The following KLF9 variants were observed in gnomAD, a reference collection of about 807,000 sequenced individuals.
KLF9 encodes the protein KLF transcription factor 9, also known as Krueppel-like factor 9.
KLF9 carries 2 observed loss-of-function variants against 17.3 expected under a neutral mutation model. The ratio of observed to expected loss-of-function variants is 0.12; its 90% confidence interval spans 0.05 to 0.36. The LOEUF (loss-of-function observed/expected upper bound fraction) is 0.36, where lower values mean the gene tolerates loss of function less well. KLF9 is among the 10% of genes least tolerant of loss of function. The pLI is 1.00. For synonymous variants in KLF9, 138 were observed against 139.2 expected (o/e 0.99, Z 0.06); for missense variants, 226 against 333.2 (o/e 0.68, Z 2.51).
rs1587737668 is a variant in KLF9, at chr9:70,388,013, A to G, written c.506-8T>C. ...AGGGAAAGGGCCGTTCACCTAAGAGAAAGGAATCAGAAAGGATACAGCTCA... is the reference window on the plus strand; with the variant it reads ...AGGGAAAGGGCCGTTCACCTAAGAGGAAGGAATCAGAAAGGATACAGCTCA... On this transcript the variant is annotated splice_region_variant and splice_polypyrimidine_tract_variant and intron_variant, in intron 1 of 1. Coordinates refer to ENST00000377126, the MANE Select transcript of KLF9 (RefSeq NM_001206.4). 1 of 1,609,464 alleles carries G rather than the reference A, an allele frequency of 6.2e-7. No homozygotes were observed. The highest frequency in any genetic ancestry group is 8.5e-7 in the Non-Finnish European group (1 of 1,177,092).
Position 70,387,643 on chromosome 9 carries a change from A to G in KLF9, c.*133T>C, listed in dbSNP as rs2037123059. The G allele has an allele frequency of 9.9e-6, 7 of 708,690 alleles. No homozygotes were observed. The highest frequency in any genetic ancestry group is 1.7e-5 in the Non-Finnish European group (7 of 415,800). The allele number at this position is 708,690 out of a possible 1,614,324, so 43.9% of individuals were successfully genotyped here. On this transcript the variant is annotated 3_prime_UTR_variant, in exon 2 of 2. Transcript: ENST00000377126. Reference sequence around the variant, plus strand: ...AATGCAGGGAGAGGAAAATCAGAATATTGACCAAAGAGCAGTGACTTCCTG... The same window carrying G: ...AATGCAGGGAGAGGAAAATCAGAATGTTGACCAAAGAGCAGTGACTTCCTG...
At chr9:70,400,878 G>C (rs2037216242) in intron 1 of KLF9, among the ~76,000 whole-genome samples, 1 of 152,160 alleles carries the variant, frequency 6.6e-6, no homozygotes, top group Non-Finnish European at 1.5e-5. Flanking sequence ...TGGCACCAAA[G>C]ACCACAAAGA....
rs182223873 is a variant in KLF9, at chr9:70,409,146, A to G, written c.505+3713T>C. 4.8e-3 allele frequency among the ~76,000 whole-genome samples: 253 copies of G among 52,208 alleles called. 18 individuals are homozygous for G. The highest frequency in any genetic ancestry group is 9.6e-3 in the Non-Finnish European group (165 of 17,256). 34.3% of individuals were successfully genotyped at this position (52,208 alleles called of 152,430 possible). On this transcript the variant is annotated intron_variant, in intron 1 of 1. Coordinates refer to ENST00000377126, the MANE Select transcript of KLF9 (RefSeq NM_001206.4). ...TGTATATATGTATACATATATATGT[A>G]TATGTATATATATACACATATATGT...
At chr9:70,389,375 GA>G (rs991941267) in intron 1 of KLF9, among the ~76,000 whole-genome samples, 1 of 151,520 alleles carries the variant, frequency 6.6e-6, no homozygotes, top group African/African-American at 2.4e-5. Context: ...CCATTTCACA[GA>G]TGAGAAAACT....
At chr9:70,395,847 A>G (rs1403877422) in intron 1 of KLF9, among the ~76,000 whole-genome samples, 2 of 152,138 alleles carry the variant, frequency 1.3e-5, no homozygotes, top group Non-Finnish European at 2.9e-5. Flanking sequence ...AGGTGGGAGG[A>G]TCACTTGAAC....
chr9:70,407,609 C>T (rs2037265361), intron 1 of KLF9, among the ~76,000 whole-genome samples: 1 of 152,200 alleles, frequency 6.6e-6, no homozygotes, highest in Non-Finnish European at 1.5e-5. Context: ...GAGGATGACA[C>T]AGGACAAATG....
rs2037227990 is a variant in KLF9 at position 70,402,391 on chromosome 9, T to C, written c.505+10468A>G. Among the ~76,000 whole-genome samples, 4 of 152,238 alleles carry C rather than the reference T, an allele frequency of 2.6e-5. No homozygotes were observed. In the South Asian group the frequency reaches 8.3e-4, roughly 32 times the overall value. On this transcript the variant is annotated intron_variant, in intron 1 of 1. Transcript: ENST00000377126. ...TGGGCATTGTGCACACTGAATACAC[T>C]TCTGAATCCCAGTGGGAACTGCCAT... is the stretch of plus-strand genomic sequence containing the variant.
At chr9:70,396,080 G>A (rs1217791569) in intron 1 of KLF9, among the ~76,000 whole-genome samples, 2 of 152,174 alleles carry the variant, frequency 1.3e-5, no homozygotes, top group Admixed American at 1.3e-4. Context: ...ATATCTGTGA[G>A]GCTAGTGAAA....
At chr9:70,401,573 G>C (rs1279320738) in intron 1 of KLF9, among the ~76,000 whole-genome samples, 1 of 150,714 alleles carries the variant, frequency 6.6e-6, no homozygotes, top group Non-Finnish European at 1.5e-5. Flanking sequence ...TGTAATCCCA[G>C]CTACTTAGGA....
In KLF9 at chr9:70,412,839, G is replaced by GA. The variant is rs1564090417; in HGVS notation, c.505+19dup. The GA allele has an allele frequency of 1.3e-6, 2 of 1,536,744 alleles. No homozygotes were observed. The highest frequency in any genetic ancestry group is 2.5e-5 in the South Asian group (2 of 78,580). ...GTTAACTAACCCCAGAGCTCCGGGG[G>GA]AGAGGGCGACGCCGCTAACCTGTAT... On this transcript the variant is annotated intron_variant, in intron 1 of 1. Coordinates refer to ENST00000377126, the MANE Select transcript of KLF9 (RefSeq NM_001206.4).
intron 1 of KLF9, among the ~76,000 whole-genome samples, chr9:70,401,686 C>CAAAAAAAAAAAAAAAAAAAAAAA (rs34988097): frequency 3.0e-5 from 2 of 66,500 alleles, no homozygotes; most frequent in Non-Finnish European, 6.0e-5. Flanking sequence ...GACTCCTTCA[C>CAAAAAAAAAAAAAAAAAAAAAAA]AAAAAAAAAA....
At chr9:70,389,444 G>A (rs1376688221) in intron 1 of KLF9, among the ~76,000 whole-genome samples, 2 of 152,170 alleles carry the variant, frequency 1.3e-5, no homozygotes, top group Non-Finnish European at 2.9e-5. Context: ...GCAGAGTAAT[G>A]AACTGGCCCT....
intron 1 of KLF9, among the ~76,000 whole-genome samples, chr9:70,403,413 G>A (rs2037237622): frequency 6.6e-6 from 1 of 152,148 alleles, no homozygotes; most frequent in African/African-American, 2.4e-5. Context: ...AACTAGTCAT[G>A]GAGCTTAAAG....
rs1564090531 is a variant in KLF9 at position 70,413,010 on chromosome 9, G to A, written c.354C>T (p.Gly118=). 3.7e-6 allele frequency: 6 copies of A among 1,614,196 alleles called. No homozygotes were observed. The highest frequency in any genetic ancestry group is 4.2e-6 in the Non-Finnish European group (5 of 1,180,034). ...GGAGGGAGAGCGGGCTGGGCGCGCT[G>A]CCAGGATCCTGTCTCTCCTCCGGGC... ...SHSPEERQDP[G]SAPSPLSLLH... The change falls in exon 1 of 2, where the codon GGC becomes GGT. Residue 118 remains glycine (G), a synonymous_variant. Coordinates refer to ENST00000377126, the MANE Select transcript of KLF9 (RefSeq NM_001206.4). This position sits in a 1 kb window ranked among gnomAD's most constrained non-coding sequence, Gnocchi z 5.6.
At chr9:70,391,326 C>T (rs2037151644) in intron 1 of KLF9, among the ~76,000 whole-genome samples, 2 of 152,146 alleles carry the variant, frequency 1.3e-5, no homozygotes, top group African/African-American at 4.8e-5. Context: ...CAAGTGTAAT[C>T]AGGGTTTGTT....
chr9:70,404,008 C>A (rs1204567445), intron 1 of KLF9, among the ~76,000 whole-genome samples: 1 of 152,136 alleles, frequency 6.6e-6, no homozygotes, highest in Admixed American at 6.5e-5. Context: ...AGCAAGCATT[C>A]ATGCCCAACT....
rs773649752 is a variant in KLF9, at chr9:70,386,291, G to C, written c.*1485C>G. On this transcript the variant is annotated 3_prime_UTR_variant, in exon 2 of 2. Coordinates refer to ENST00000377126, the MANE Select transcript of KLF9 (RefSeq NM_001206.4). ...CATAAAGGCCACAGTTAAGTTTTCA[G>C]GTAAATGGCATAGATGGATGTAGTG... 1 of 152,666 alleles carries C rather than the reference G, an allele frequency of 6.6e-6. No individual in the cohort carries two copies. The highest frequency in any genetic ancestry group is 1.5e-5 in the Non-Finnish European group (1 of 68,038). The allele number at this position is 152,666 out of a possible 1,614,324, so 9.5% of individuals were successfully genotyped here. A position where few individuals can be genotyped will look rare whatever the true frequency, so the allele number is the denominator to read the frequency against.
At chr9:70,407,735 G>A (rs1266879281) in intron 1 of KLF9, among the ~76,000 whole-genome samples, 1 of 152,196 alleles carries the variant, frequency 6.6e-6, no homozygotes, top group Non-Finnish European at 1.5e-5. Context: ...AGCTTGGGCT[G>A]GGGGCTGAAG....
chr9:70,393,951 G>C (rs1481481098), intron 1 of KLF9, among the ~76,000 whole-genome samples: 1 of 151,378 alleles, frequency 6.6e-6, no homozygotes, highest in Non-Finnish European at 1.5e-5. Context: ...GAGCCCAAAG[G>C]TTGAGGCTGC....
Sources: gnomAD v4.1 joint callset for allele counts (sites outside exome capture counted in the v4.1 genomes callset) on GRCh38, gnomAD v4.1.1 for gene constraint, Gnocchi (gnomAD v3.1) non-coding constraint, MANE v1.5 for transcripts, NCBI Gene and HGNC (gene_info 2026-07-23, HGNC 2026-07-21) for gene names.